ATP8A2: variants seen among roughly 807,000 people sequenced by gnomAD.
The protein encoded by ATP8A2 is ATPase phospholipid transporting 8A2.
A neutral mutation model predicts 165.6 loss-of-function variants in ATP8A2; 100 were observed. The ratio of observed to expected loss-of-function variants is 0.60; its 90% CI spans 0.51 to 0.71. The LOEUF (loss-of-function observed/expected upper bound fraction) is 0.71. ATP8A2 is among the 30% of genes least tolerant of loss of function. The pLI, the probability that ATP8A2 is intolerant of heterozygous loss-of-function variation, is 0.00. For missense variants in ATP8A2, 1,227 were observed against 1,479.5 expected (o/e 0.83, Z 2.80); for synonymous variants, 543 against 548.8 (o/e 0.99, Z 0.15).
chr13:25,429,371 T>TAAAAAA (rs751056483), intron 1 of ATP8A2, among the ~76,000 whole-genome samples: 1 of 126,006 alleles, frequency 7.9e-6, no homozygotes. Context: ...GACTCCATCT[T>TAAAAAA]AAAAAAAAAA....
intron 33 of ATP8A2, among the ~76,000 whole-genome samples, chr13:25,878,468 AT>A (rs779029554): frequency 0.099 from 11,013 of 110,760 alleles, 64 homozygotes; most frequent in African/African-American, 0.16. Flanking sequence ...AAGAATGACT[AT>A]TCCATAGGCA....
chr13:25,835,353 T>C (rs1197472983), intron 28 of ATP8A2, among the ~76,000 whole-genome samples: 1 of 152,150 alleles, frequency 6.6e-6, no homozygotes, highest in East Asian at 1.9e-4. Context: ...CCAGGGCTGC[T>C]TTCCATTCTG....
intron 2 of ATP8A2, among the ~76,000 whole-genome samples, chr13:25,490,520 C>T (rs969827542): frequency 6.6e-6 from 1 of 152,164 alleles, no homozygotes; most frequent in Non-Finnish European, 1.5e-5. Flanking sequence ...TTCCTACAGT[C>T]GGTGAGCATC....
chr13:25,554,523 GTGTGTA>G (rs113066753), intron 12 of ATP8A2, among the ~76,000 whole-genome samples: 27,604 of 114,396 alleles, frequency 0.24, 2,820 homozygotes, highest in Non-Finnish European at 0.3. Context: ...GTGTGTGTGT[GTGTGTA>G]TGTGTGTGTG....
intron 25 of ATP8A2, among the ~76,000 whole-genome samples, chr13:25,737,023 G>A (rs1347255300): frequency 6.6e-6 from 1 of 152,192 alleles, no homozygotes; most frequent in African/African-American, 2.4e-5. Flanking sequence ...ATAACCCACA[G>A]TGCTTGTGGG....
chr13:25,423,634 G>A (rs567166077), intron 1 of ATP8A2, among the ~76,000 whole-genome samples: 1 of 152,264 alleles, frequency 6.6e-6, no homozygotes, highest in East Asian at 1.9e-4. Flanking sequence ...TTTTTAGGTT[G>A]TGCAATCTAA....
chr13:26,015,648 C>CA (rs1313636691), intron 36 of ATP8A2, among the ~76,000 whole-genome samples: 5 of 152,086 alleles, frequency 3.3e-5, no homozygotes, highest in African/African-American at 1.2e-4. Flanking sequence ...CCGGAGAAGA[C>CA]AAAACAACTA....
At chr13:25,605,027 A>G (rs993686264) in intron 24 of ATP8A2, among the ~76,000 whole-genome samples, 3 of 152,252 alleles carry the variant, frequency 2.0e-5, no homozygotes, top group South Asian at 2.1e-4. Context: ...TCATAAAGGT[A>G]TATCATGAAA....
chr13:25,582,617 G>A (rs117570312), intron 23 of ATP8A2, among the ~76,000 whole-genome samples: 1,800 of 152,336 alleles, frequency 0.012, 14 homozygotes, highest in Non-Finnish European at 0.021. Flanking sequence ...AATGAACACT[G>A]CATAACTTAG....
chr13:25,800,391 A>C lies in ATP8A2; in HGVS notation c.2679+25432A>C, dbSNP rs563797698. Among the ~76,000 whole-genome samples the C allele has an allele frequency of 4.7e-4, 71 of 152,360 alleles. No individual in the cohort carries two copies. The Middle Eastern group carries it at 0.01, about 22-fold the overall frequency. On this transcript the variant is annotated intron_variant, in intron 27 of 36. Transcript: ENST00000381655. ...AAACAACAAATTGGATAATAAGATC[A>C]GTCCTGAAAAGTCAACCAAAAGATG...
chr13:25,418,049 A>G (rs1479585024), intron 1 of ATP8A2, among the ~76,000 whole-genome samples: 1 of 151,896 alleles, frequency 6.6e-6, no homozygotes, highest in Non-Finnish European at 1.5e-5. Context: ...ATAAACTCTC[A>G]TTTCCCCCTG....
chr13:25,702,547 G>A (rs1309902835), intron 25 of ATP8A2, among the ~76,000 whole-genome samples: 1 of 152,172 alleles, frequency 6.6e-6, no homozygotes, highest in Admixed American at 6.5e-5. Context: ...TTTTATTGTG[G>A]GCTTGCAAGT....
At chr13:25,725,696 G>A (rs893505080) in intron 25 of ATP8A2, among the ~76,000 whole-genome samples, 4 of 152,200 alleles carry the variant, frequency 2.6e-5, no homozygotes, top group African/African-American at 9.7e-5. Flanking sequence ...CCTTAGCTGT[G>A]GACATTCTGA....
intron 24 of ATP8A2, among the ~76,000 whole-genome samples, chr13:25,658,909 T>A (rs1321266291): frequency 6.6e-6 from 1 of 152,190 alleles, no homozygotes; most frequent in African/African-American, 2.4e-5. Flanking sequence ...ACTACTGTAG[T>A]CTGCTCCTGG....
At chr13:25,411,237 GT>G (rs1161248612) in intron 1 of ATP8A2, among the ~76,000 whole-genome samples, 1 of 152,138 alleles carries the variant, frequency 6.6e-6, no homozygotes, top group Non-Finnish European at 1.5e-5. Context: ...AAGACTAAAG[GT>G]TTTTCCCCTG....
At chr13:25,915,796 G>T (rs1473524359) in intron 33 of ATP8A2, among the ~76,000 whole-genome samples, 1 of 152,180 alleles carries the variant, frequency 6.6e-6, no homozygotes, top group East Asian at 1.9e-4. Context: ...ACTTGCTTTT[G>T]CAACTGCAGT....
intron 2 of ATP8A2, among the ~76,000 whole-genome samples, chr13:25,498,733 A>G (rs1025196554): frequency 6.6e-6 from 1 of 152,224 alleles, no homozygotes; most frequent in Admixed American, 6.5e-5. Context: ...TGTTGAGAAC[A>G]TACTATGTCC....
chr13:25,935,461 T>C (rs2139085107), intron 33 of ATP8A2, among the ~76,000 whole-genome samples: 2 of 152,292 alleles, frequency 1.3e-5, no homozygotes, highest in Middle Eastern at 6.8e-3. Context: ...TGCATTGCTG[T>C]AAAGGAATAC....
chr13:25,489,390 G>A (rs944089908), intron 2 of ATP8A2, among the ~76,000 whole-genome samples: 1 of 152,192 alleles, frequency 6.6e-6, no homozygotes, highest in African/African-American at 2.4e-5. Context: ...ATCTCTGTAA[G>A]CAAGCATTTT....
Sources: gnomAD v4.1 joint callset for allele counts (sites outside exome capture counted in the v4.1 genomes callset) on GRCh38, gnomAD v4.1.1 for gene constraint, MANE v1.5 for transcripts, NCBI Gene and HGNC (gene_info 2026-07-23, HGNC 2026-07-21) for gene names.